The following NUFIP2 variants were observed in gnomAD, a reference collection of about 807,000 sequenced individuals.
NUFIP2 encodes FMR1-interacting protein NUFIP2.
NUFIP2 carries 6 observed loss-of-function variants against 56.9 expected under a neutral mutation model. That is an observed-to-expected ratio of 0.11 (90% CI 0.06 to 0.21). The LOEUF is 0.21. NUFIP2 is among the 10% of genes least tolerant of loss of function. The probability of loss-of-function intolerance (pLI) is 1.00; values close to 1 mark genes in which losing one functional copy is unlikely to be tolerated. For synonymous variants in NUFIP2, 321 were observed against 298.2 expected, an observed-to-expected ratio of 1.08 and a Z score of -0.79; for missense variants, 828 against 826.8, an observed-to-expected ratio of 1.00 and a Z score of -0.02.
chr17:29,273,866 C>T (rs2069091330), intron 2 of NUFIP2, among the ~76,000 whole-genome samples: 2 of 152,146 alleles, frequency 1.3e-5, no homozygotes, highest in Non-Finnish European at 2.9e-5. Flanking sequence ...AGACTTTCTA[C>T]ATAATACCTC....
intron 3 of NUFIP2, among the ~76,000 whole-genome samples, chr17:29,265,107 C>T (rs1215008687): frequency 6.6e-6 from 1 of 152,136 alleles, no homozygotes; most frequent in Non-Finnish European, 1.5e-5. Flanking sequence ...TCAAGACTGA[C>T]TCAACTTCCC....
rs1289352752 is a variant in NUFIP2 at position 29,258,060 on chromosome 17, G to A, written c.*6479C>T. 2 of 151,896 alleles carry A rather than the reference G, an allele frequency of 1.3e-5. No homozygotes were observed. Among genetic ancestry groups the A allele is most frequent in the South Asian group, 2.1e-4 (1 of 4,826 alleles). 9.4% of individuals were successfully genotyped at this position (151,896 alleles called of 1,614,324 possible). On this transcript the variant is annotated 3_prime_UTR_variant, in exon 4 of 4. Coordinates refer to ENST00000225388, the MANE Select transcript of NUFIP2 (RefSeq NM_020772.3). ...ACTATCTCAGGCATTACTACATGGC[G>A]TTTCCAATTTTTTTTTTTTAATATA...
At chr17:29,283,159 G>A (rs1176540253) in intron 2 of NUFIP2, among the ~76,000 whole-genome samples, 1 of 152,140 alleles carries the variant, frequency 6.6e-6, no homozygotes, top group African/African-American at 2.4e-5. Context: ...CACCCATATA[G>A]GGGTATTCAG....
Position 29,256,186 on chromosome 17 carries a change from C to T in NUFIP2, c.*8353G>A, listed in dbSNP as rs181651593. 14 of 152,288 alleles carry T rather than the reference C, an allele frequency of 9.2e-5. No individual in the cohort carries two copies. The East Asian group carries it at 2.7e-3, about 29-fold the overall frequency. The allele number at this position is 152,288 out of a possible 1,614,324, so 9.4% of individuals were successfully genotyped here. On this transcript the variant is annotated 3_prime_UTR_variant, in exon 4 of 4. Transcript: ENST00000225388. ...ACTTTTTTTTGAGCGGGGGGAACAT[C>T]CTTTAACATAACTGTACTCCACTTA...
rs1242187304 is a variant in NUFIP2, at chr17:29,264,018, CTTAA to C, written c.*517_*520del. On this transcript the variant is annotated 3_prime_UTR_variant, in exon 4 of 4. Coordinates refer to ENST00000225388, the MANE Select transcript of NUFIP2 (RefSeq NM_020772.3). ...GCATTTATCCAGCATTCTCGCAGGG[CTTAA>C]TTAAAGTAAAACCAAAAAGATCAAG... 2.0e-5 allele frequency: 3 copies of C among 152,578 alleles called. No individual in the cohort carries two copies. Among genetic ancestry groups the C allele is most frequent in the Non-Finnish European group, 4.4e-5 (3 of 68,024 alleles). The allele number at this position is 152,578 out of a possible 1,614,324, so 9.5% of individuals were successfully genotyped here.
At chr17:29,277,478 T>G (rs905872758) in intron 2 of NUFIP2, among the ~76,000 whole-genome samples, 1 of 152,138 alleles carries the variant, frequency 6.6e-6, no homozygotes, top group African/African-American at 2.4e-5. Context: ...TAAGCCATTT[T>G]GGATCAAATT....
At chr17:29,291,991 G>A (rs2069216785) in intron 1 of NUFIP2, among the ~76,000 whole-genome samples, 1 of 152,070 alleles carries the variant, frequency 6.6e-6, no homozygotes, top group African/African-American at 2.4e-5. Context: ...TGATACGCTG[G>A]GTTTAACATA....
intron 3 of NUFIP2, among the ~76,000 whole-genome samples, chr17:29,265,964 G>T (rs1365117551): frequency 6.6e-6 from 1 of 151,900 alleles, no homozygotes; most frequent in African/African-American, 2.4e-5. Flanking sequence ...TACTTTGCAG[G>T]GTATATTTTC....
At chr17:29,280,000 T>C (rs906526427) in intron 2 of NUFIP2, among the ~76,000 whole-genome samples, 3 of 152,172 alleles carry the variant, frequency 2.0e-5, no homozygotes, top group South Asian at 2.1e-4. Flanking sequence ...TGTATTTTCA[T>C]AGAGATGGGG....
At position 29,271,680 on chromosome 17, in the gene NUFIP2, A is replaced by G. The variant is rs574468384; in HGVS notation, c.2003-4150T>C. Among the ~76,000 whole-genome samples, 104 of 152,300 alleles carry G rather than the reference A, an allele frequency of 6.8e-4. 1 individual carries two copies. Among genetic ancestry groups the G allele is most frequent in the Non-Finnish European group, 1.2e-4 (8 of 68,020 alleles). ...ACTTCATTTACTTGATCAAAATTTAAAAGTTTCCCTGAAACTCAAACAAGG... is the reference window on the plus strand; with the variant it reads ...ACTTCATTTACTTGATCAAAATTTAGAAGTTTCCCTGAAACTCAAACAAGG... On this transcript the variant is annotated intron_variant, in intron 2 of 3. Coordinates refer to ENST00000225388, the MANE Select transcript of NUFIP2 (RefSeq NM_020772.3).
Position 29,259,868 on chromosome 17 carries a change from A to G in NUFIP2, c.*4671T>C, listed in dbSNP as rs1330136153. 27 of 152,220 alleles carry G rather than the reference A, an allele frequency of 1.8e-4. No individual in the cohort carries two copies. Among genetic ancestry groups the G allele is most frequent in the Non-Finnish European group, 8.8e-5 (6 of 68,036 alleles). 9.4% of individuals were successfully genotyped at this position (152,220 alleles called of 1,614,324 possible). A position where few individuals can be genotyped will look rare whatever the true frequency, so the allele number is the denominator to read the frequency against. ...TACTTTAAGACCTTTCTTGAGCGGC[A>G]AAACAGTGTGAAATTTAAAACTCAG... On this transcript the variant is annotated 3_prime_UTR_variant, in exon 4 of 4. Coordinates refer to ENST00000225388, the MANE Select transcript of NUFIP2 (RefSeq NM_020772.3).
intron 2 of NUFIP2, among the ~76,000 whole-genome samples, chr17:29,269,384 T>C (rs2069058038): frequency 6.6e-6 from 1 of 152,190 alleles, no homozygotes; most frequent in African/African-American, 2.4e-5. Context: ...CAAAATAAGA[T>C]ACAGATCTAA....
intron 2 of NUFIP2, among the ~76,000 whole-genome samples, chr17:29,268,830 T>C (rs1403195312): frequency 1.3e-5 from 2 of 152,094 alleles, no homozygotes; most frequent in Non-Finnish European, 1.5e-5. Context: ...CACCCAGCCC[T>C]AACCACACCT....
chr17:29,290,645 C>A (rs553875012), intron 1 of NUFIP2, among the ~76,000 whole-genome samples: 5 of 144,090 alleles, frequency 3.5e-5, no homozygotes, highest in African/African-American at 1.0e-4. Flanking sequence ...CAGAGTAAGG[C>A]TGTGTCTCAA....
intron 2 of NUFIP2, 109 bp from the exon 3 acceptor site, chr17:29,267,639 G>A (rs1295299980): frequency 3.1e-6 from 2 of 635,182 alleles, no homozygotes; most frequent in Admixed American, 3.1e-5. Flanking sequence ...CCAGACTGGA[G>A]GTAGGGTTGA....
chr17:29,289,986 T>C (rs984921328), intron 1 of NUFIP2, among the ~76,000 whole-genome samples: 1 of 152,130 alleles, frequency 6.6e-6, no homozygotes, highest in Admixed American at 6.5e-5. Context: ...TGCAGTGATG[T>C]GATCCCAGCT....
intron 2 of NUFIP2, among the ~76,000 whole-genome samples, chr17:29,270,628 A>G (rs1031346454): frequency 6.6e-6 from 1 of 152,152 alleles, no homozygotes; most frequent in African/African-American, 2.4e-5. Context: ...GTATATAGTA[A>G]TAACTTGATA....
At chr17:29,267,005 G>T (rs1346207557) in intron 3 of NUFIP2, among the ~76,000 whole-genome samples, 1 of 151,670 alleles carries the variant, frequency 6.6e-6, no homozygotes, top group Non-Finnish European at 1.5e-5. Flanking sequence ...CTGGGTTCAA[G>T]CTATTCTCTT....
chr17:29,286,559 G>C lies in NUFIP2; in HGVS notation c.1435C>G (p.Gln479Glu). Residue 479 changes from glutamine to glutamate, a missense_variant, in exon 2 of 4, where the codon CAA (glutamine) becomes GAA (glutamate). By Grantham distance (29) the Gln-to-Glu change is conservative. This residue lies in a region of NUFIP2 where 404 missense variants were observed against 380.3 expected (regional missense o/e 1.06). Transcript: ENST00000225388. ...TGTGCTGTGCTCAACAGCATAGTTT[G>C]CATATTTGAAGGATAGATAAAAAGG... ...TSLFIYPSNM[Q>E]TMLLSTAQVD... The C allele has an allele frequency of 6.2e-7, 1 of 1,614,158 alleles. No homozygotes were observed.
Sources: gnomAD v4.1 joint callset for allele counts (sites outside exome capture counted in the v4.1 genomes callset) on GRCh38, gnomAD v4.1.1 for gene constraint, gnomAD v4.1.1 regional missense constraint, MANE v1.5 for transcripts, NCBI Gene and HGNC (gene_info 2026-07-23, HGNC 2026-07-21) for gene names.